The following DISP3 variants were observed in gnomAD, a reference collection of about 807,000 sequenced individuals.
DISP3 encodes protein dispatched homolog 3.
Under a neutral mutation model 135.3 loss-of-function variants are expected in DISP3, and 101 were observed. The observed-to-expected ratio is 0.75, with a 90% CI of 0.64 to 0.88. DISP3 has a LOEUF of 0.88. DISP3 is among the 40% of genes least tolerant of loss of function. DISP3 has a pLI of 0.00. For synonymous variants in DISP3, 856 were observed against 817.0 expected (o/e 1.05, Z -0.81); for missense variants, 1,713 against 1,878.6 (o/e 0.91, Z 1.63).
At position 11,491,425 on chromosome 1, in the gene DISP3, C is replaced by T. The variant is rs1475406849; in HGVS notation, c.-3-9565C>T. Among the ~76,000 whole-genome samples the T allele has an allele frequency of 6.6e-5, 10 of 152,086 alleles. No homozygotes were observed. The highest frequency in any genetic ancestry group is 4.8e-5 in the African/African-American group (2 of 41,406). ...GATCAGCCTGGGCAACCTAGCAAAACGCCATCTTTACAAAAAATTAAAAAC... is the reference window on the plus strand; with the variant it reads ...GATCAGCCTGGGCAACCTAGCAAAATGCCATCTTTACAAAAAATTAAAAAC... On this transcript the variant is annotated intron_variant, in intron 1 of 20. Coordinates refer to ENST00000294484, the MANE Select transcript of DISP3 (RefSeq NM_020780.2). The surrounding 1 kb of genome is among the most constrained non-coding windows in gnomAD (Gnocchi z 4.3).
intron 1 of DISP3, among the ~76,000 whole-genome samples, chr1:11,479,933 G>C (rs1054563586): frequency 2.6e-5 from 4 of 152,190 alleles, no homozygotes; most frequent in African/African-American, 9.7e-5. Flanking sequence ...GGGGCGGGCC[G>C]GGCCAGCGAT....
At position 11,525,123 on chromosome 1, in the gene DISP3, A is replaced by C; in HGVS notation, c.2477-53A>C. 5 of 1,601,712 alleles carry C rather than the reference A, an allele frequency of 3.1e-6. No homozygotes were observed. The South Asian group carries it at 5.5e-5, about 18-fold the overall frequency. On this transcript the variant is annotated intron_variant, in intron 11 of 20. Transcript: ENST00000294484. ...GAGGGTGGGCTGCTCCAGGGTCAGG[A>C]GAAGCCAGTCGAGGTCAAGTCCACC...
At chr1:11,488,568 T>C (rs146816371) in intron 1 of DISP3, among the ~76,000 whole-genome samples, 6 of 152,258 alleles carry the variant, frequency 3.9e-5, no homozygotes, top group Non-Finnish European at 7.4e-5. Flanking sequence ...CCCTCCTCCC[T>C]TCCGTGGGAC....
intron 1 of DISP3, among the ~76,000 whole-genome samples, chr1:11,492,764 G>C (rs1641225704): frequency 6.6e-6 from 1 of 152,226 alleles, no homozygotes; most frequent in Admixed American, 6.5e-5. Flanking sequence ...TGGGGCAGGA[G>C]ATATGGGGTG....
chr1:11,497,594 C>T (rs1641372767), intron 1 of DISP3, among the ~76,000 whole-genome samples: 2 of 152,116 alleles, frequency 1.3e-5, no homozygotes, highest in Admixed American at 1.3e-4. Context: ...TTCACTGTGT[C>T]AGCCAGGACG....
At chr1:11,503,995 T>C (rs1641629325) in intron 3 of DISP3, among the ~76,000 whole-genome samples, 1 of 152,178 alleles carries the variant, frequency 6.6e-6, no homozygotes, top group Non-Finnish European at 1.5e-5. Context: ...GCAGTCCTTC[T>C]GGGCAGTAAC....
chr1:11,530,960 G>T lies in DISP3; in HGVS notation c.3156G>T (p.Leu1052=), dbSNP rs201362242. The T allele has an allele frequency of 5.1e-5, 82 of 1,614,056 alleles. 1 individual carries two copies. In the East Asian group the frequency reaches 1.8e-3, roughly 35 times the overall value. The part of the protein sequence containing the change: ...SFDLFKEIGH[L]CHLCKAIAAN... Reference sequence around the variant, plus strand: ...ACCTCTTCAAGGAAATTGGGCACCTGTGTCACCTCTGCAAGGCCATCGCAG... The same window carrying T: ...ACCTCTTCAAGGAAATTGGGCACCTTTGTCACCTCTGCAAGGCCATCGCAG... The change falls in exon 16 of 21, where the codon CTG becomes CTT. Residue 1052 remains leucine (L), a synonymous_variant. Transcript: ENST00000294484.
Position 11,535,635 on chromosome 1 carries a change from C to G in DISP3, c.3807C>G (p.His1269Gln). Residue 1269 changes from histidine (H) to glutamine (Q), a missense_variant, in exon 20 of 21, where the codon CAC (histidine) becomes CAG (glutamine). By Grantham distance (24) the His-to-Gln change is conservative. Around this residue, in one of 2 missense-constraint regions of DISP3, gnomAD observed 1,142 missense variants for 1,384.6 expected, o/e 0.82. Coordinates refer to ENST00000294484, the MANE Select transcript of DISP3 (RefSeq NM_020780.2). ...YLLAGENLPP[H>Q]QAEDARTQRQ... ...TGGCTGGAGAGAACCTGCCCCCCCA[C>G]CAGGCCGAGGTGCGCACCCTGCCCG... 1.2e-6 allele frequency: 2 copies of G among 1,611,882 alleles called. No homozygotes were observed. Among genetic ancestry groups the G allele is most frequent in the Non-Finnish European group, 1.7e-6 (2 of 1,179,618 alleles).
chr1:11,503,746 C>T (rs1641621206), intron 3 of DISP3, among the ~76,000 whole-genome samples: 1 of 152,180 alleles, frequency 6.6e-6, no homozygotes, highest in Non-Finnish European at 1.5e-5. Flanking sequence ...AATCCAACCA[C>T]ATTGACACCT....
intron 17 of DISP3, among the ~76,000 whole-genome samples, chr1:11,532,243 T>C (rs1344233103): frequency 2.0e-5 from 3 of 152,176 alleles, no homozygotes; most frequent in Non-Finnish European, 4.4e-5. Context: ...GTGGGGACTC[T>C]CGGCCCTGGC....
Position 11,528,681 on chromosome 1 carries a change from G to T in DISP3, c.2799-875G>T, listed in dbSNP as rs558765653. 2.0e-4 allele frequency among the ~76,000 whole-genome samples: 31 copies of T among 152,342 alleles called. No individual in the cohort carries two copies. In the South Asian group the frequency reaches 6.4e-3, roughly 32 times the overall value. On this transcript the variant is annotated intron_variant, in intron 13 of 20. Transcript: ENST00000294484. ...GGACTGTGGTCTCTGACAGAACTCG[G>T]TGATACGCGGGGACTGTGGTCTCTG... is the stretch of plus-strand genomic sequence containing the variant.
intron 1 of DISP3, among the ~76,000 whole-genome samples, chr1:11,496,823 G>A (rs545807315): frequency 4.3e-4 from 65 of 152,168 alleles, no homozygotes; most frequent in Non-Finnish European, 8.4e-4. Flanking sequence ...CTCCAGGGGT[G>A]GCACAGCTGG....
intron 13 of DISP3, among the ~76,000 whole-genome samples, chr1:11,528,884 G>A (rs1389832463): frequency 3.9e-5 from 6 of 152,196 alleles, no homozygotes; most frequent in African/African-American, 1.4e-4. Flanking sequence ...GCTGCAGCTT[G>A]GAGGCCAGGG....
Position 11,535,043 on chromosome 1 carries a change from T to A in DISP3, c.3568T>A (p.Ser1190Thr). Residue 1190 changes from serine to threonine, a missense_variant, in exon 19 of 21, where the codon TCC (serine) becomes ACC (threonine). Physicochemically the swap from Ser to Thr is moderately conservative, Grantham distance 58. Transcript: ENST00000294484. ...VQSALCGLVLSLLICVAAVAV... is the reference protein window; with the variant it reads ...VQSALCGLVLTLLICVAAVAV... ...GAGCGCCCTGTGCGGCCTGGTGCTA[T>A]CCCTGCTCATCTGCGTGGCCGCGGT... 1.2e-6 allele frequency: 2 copies of A among 1,602,402 alleles called. No individual in the cohort carries two copies. Among genetic ancestry groups the A allele is most frequent in the South Asian group, 2.3e-5 (2 of 88,792 alleles).
At chr1:11,523,466 CAG>C (rs1458732490) in intron 10 of DISP3, among the ~76,000 whole-genome samples, 1 of 144,102 alleles carries the variant, frequency 6.9e-6, no homozygotes, top group Non-Finnish European at 1.5e-5. Context: ...CAGAGTGGCA[CAG>C]AGAGGGCAAG....
chr1:11,533,618 C>T lies in DISP3; in HGVS notation c.3376-763C>T, dbSNP rs1421651178. 3 of 621,734 alleles carry T rather than the reference C, an allele frequency of 4.8e-6. No individual in the cohort carries two copies. The African/African-American group carries it at 5.5e-5, about 11-fold the overall frequency. The allele number at this position is 621,734 out of a possible 1,614,324, so 38.5% of individuals were successfully genotyped here. A position where few individuals can be genotyped will look rare whatever the true frequency, so the allele number is the denominator to read the frequency against. ...ATGTTGCAGCAAGTGTCAGAACTCA[C>T]CTCCCTCTGCAGACTGAAGCCCCAG... On this transcript the variant is annotated intron_variant, in intron 17 of 20. Transcript: ENST00000294484.
rs183156405 is a variant in DISP3, at chr1:11,514,410, G to C, written c.1337G>C (p.Gly446Ala). 1.2e-6 allele frequency: 2 copies of C among 1,613,026 alleles called. No homozygotes were observed. Among genetic ancestry groups the C allele is most frequent in the Non-Finnish European group, 1.7e-6 (2 of 1,178,990 alleles). ...CCCAGCAAAGTCCAGGTTCTCTATGGGGGGACAGACCTGTTTGACTATGAA... is the reference window on the plus strand; with the variant it reads ...CCCAGCAAAGTCCAGGTTCTCTATGCGGGGACAGACCTGTTTGACTATGAA... ...QSTSKVQVLY[G>A]GTDLFDYEVR... is the part of the protein sequence containing the mutation. The change falls in exon 4 of 21, where the codon GGG becomes GCG. Residue 446 changes from glycine (G) to alanine (A), a missense_variant. This residue lies in a region of DISP3 where 1,142 missense variants were observed against 1,384.6 expected (regional missense o/e 0.82). Transcript: ENST00000294484.
chr1:11,487,833 G>A (rs1254974442), intron 1 of DISP3, among the ~76,000 whole-genome samples: 3 of 152,138 alleles, frequency 2.0e-5, no homozygotes, highest in African/African-American at 4.8e-5. Flanking sequence ...GGCTGAAAGC[G>A]GATGGAAGCT....
At chr1:11,486,450 A>G (rs976616503) in intron 1 of DISP3, among the ~76,000 whole-genome samples, 1 of 152,096 alleles carries the variant, frequency 6.6e-6, no homozygotes, top group African/African-American at 2.4e-5. Context: ...GTGCATTACA[A>G]GCTAGTAGCT....
Sources: gnomAD v4.1 joint callset for allele counts (sites outside exome capture counted in the v4.1 genomes callset) on GRCh38, gnomAD v4.1.1 for gene constraint, gnomAD v4.1.1 regional missense constraint, Gnocchi (gnomAD v3.1) non-coding constraint, MANE v1.5 for transcripts, NCBI Gene and HGNC (gene_info 2026-07-23, HGNC 2026-07-21) for gene names.